Variants in FAM13A observed in about 807,000 individuals in gnomAD.
FAM13A encodes the protein protein FAM13A.
FAM13A carries 76 observed loss-of-function variants against 129.6 expected under a neutral mutation model. The ratio of observed to expected loss-of-function variants is 0.59; its 90% CI spans 0.49 to 0.71. The LOEUF (loss-of-function observed/expected upper bound fraction) is 0.71, where lower values mean the gene tolerates loss of function less well. Ranked by LOEUF, FAM13A falls within the 30% of genes least tolerant of loss-of-function variation. FAM13A has a pLI of 0.00. For missense variants in FAM13A, 1,108 were observed against 1,249.3 expected, an observed-to-expected ratio of 0.89 and a Z score of 1.70; for synonymous variants, 443 against 449.9, an observed-to-expected ratio of 0.98 and a Z score of 0.20.
chr4:88,810,282 A>G (rs1306537316), intron 7 of FAM13A, among the ~76,000 whole-genome samples: 1 of 152,170 alleles, frequency 6.6e-6, no homozygotes, highest in Non-Finnish European at 1.5e-5. Flanking sequence ...TTTGAAATAT[A>G]CTGTTATCAG....
chr4:88,823,241 C>G, intron 7 of FAM13A: 3 of 1,318,092 alleles, frequency 2.3e-6, no homozygotes, highest in Non-Finnish European at 1.9e-6. Flanking sequence ...ACACTGCAGT[C>G]CACTTTGACC....
rs372520994 is a variant in FAM13A, at chr4:88,990,998, T to C, written c.580A>G (p.Thr194Ala). ...TGAAAGCAATTTGGCCCAAATACAG[T>C]GGCGAGATTGTGAACATTCATGCGA... ...QNRMNVHNLA[T>A]VFGPNCFHVP... is the part of the protein sequence containing the mutation. The change falls in exon 4 of 24, where the codon ACT (threonine) becomes GCT (alanine). Residue 194 changes from threonine (T) to alanine (A), a missense_variant. Physicochemically the swap from Thr to Ala is moderately conservative, Grantham distance 58. This residue lies in a region of FAM13A where 566 missense variants were observed against 595.7 expected (regional missense o/e 0.95). Coordinates refer to ENST00000264344, the MANE Select transcript of FAM13A (RefSeq NM_014883.4). 2.5e-6 allele frequency: 4 copies of C among 1,613,972 alleles called. No homozygotes were observed. In the African/African-American group the frequency reaches 5.3e-5, roughly 22 times the overall value.
intron 4 of FAM13A, among the ~76,000 whole-genome samples, chr4:88,939,683 C>T (rs1380516991): frequency 6.6e-6 from 1 of 152,198 alleles, no homozygotes; most frequent in East Asian, 1.9e-4. Context: ...GGATGTCGCT[C>T]CCATGATTGT....
intron 4 of FAM13A, among the ~76,000 whole-genome samples, chr4:88,967,370 C>T (rs1028117477): frequency 3.3e-5 from 5 of 152,214 alleles, no homozygotes; most frequent in African/African-American, 9.6e-5. Context: ...CATTTCCCTA[C>T]ACAATCTTAT....
intron 4 of FAM13A, among the ~76,000 whole-genome samples, chr4:88,972,001 T>C (rs887338859): frequency 6.6e-6 from 1 of 152,212 alleles, no homozygotes; most frequent in African/African-American, 2.4e-5. Flanking sequence ...GCTTGTATCA[T>C]TTGTGTCATT....
chr4:88,857,695 T>C (rs928410876), intron 6 of FAM13A, among the ~76,000 whole-genome samples: 4 of 150,728 alleles, frequency 2.7e-5, no homozygotes, highest in African/African-American at 7.3e-5. Context: ...AGGTTCACAG[T>C]GTGGCCCAAG....
chr4:88,887,973 T>C (rs1490380432), intron 6 of FAM13A, among the ~76,000 whole-genome samples: 2 of 152,254 alleles, frequency 1.3e-5, no homozygotes, highest in Non-Finnish European at 2.9e-5. Flanking sequence ...GCAATCTTTA[T>C]GCAAGATTTA....
At chr4:88,881,257 C>T (rs543883159) in intron 6 of FAM13A, among the ~76,000 whole-genome samples, 4 of 152,338 alleles carry the variant, frequency 2.6e-5, no homozygotes, top group Non-Finnish European at 4.4e-5. Context: ...TAAGTGGGGG[C>T]TCGTATCCAT....
rs138628893 is a variant in FAM13A, at chr4:88,793,355, G to A, written c.1050-2728C>T. Among the ~76,000 whole-genome samples the A allele has an allele frequency of 1.9e-3, 283 of 151,920 alleles. 4 individuals carry two copies. The highest frequency in any genetic ancestry group is 8.1e-3 in the East Asian group (42 of 5,182). ...CATTTCTCAGAGTACAAAAGTAAAC[G>A]AATAAATCAATAATAAAACCAAGTA... On this transcript the variant is annotated intron_variant, in intron 8 of 23. Transcript: ENST00000264344.
At chr4:88,886,703 T>G (rs1324886614) in intron 6 of FAM13A, among the ~76,000 whole-genome samples, 2 of 151,930 alleles carry the variant, frequency 1.3e-5, no homozygotes, top group Non-Finnish European at 2.9e-5. Context: ...GGTCAAGAGT[T>G]TGAGAACAGC....
intron 6 of FAM13A, among the ~76,000 whole-genome samples, chr4:88,853,995 G>T (rs1424589881): frequency 6.6e-6 from 1 of 152,154 alleles, no homozygotes; most frequent in Admixed American, 6.5e-5. Flanking sequence ...CAGATTGAAG[G>T]CTCCACTATC....
chr4:88,976,093 G>A (rs563245523), intron 4 of FAM13A, among the ~76,000 whole-genome samples: 2 of 152,306 alleles, frequency 1.3e-5, no homozygotes, highest in East Asian at 3.9e-4. Context: ...GAAGTCCTCT[G>A]AAACCATGTT....
intron 7 of FAM13A, among the ~76,000 whole-genome samples, chr4:88,821,416 G>C (rs1029555118): frequency 5.3e-5 from 8 of 152,068 alleles, no homozygotes; most frequent in Non-Finnish European, 1.0e-4. Context: ...TTCCTACTAG[G>C]TTCATTAATC....
chr4:88,747,561 G>C, intron 18 of FAM13A, 70 bp downstream of exon 18: 1 of 1,248,306 alleles, frequency 8.0e-7, no homozygotes, highest in Non-Finnish European at 1.2e-6. Flanking sequence ...GGATTCACGT[G>C]GCATGCCCTG....
In FAM13A at chr4:88,744,446, G is replaced by A. The variant is rs375154891; in HGVS notation, c.2466+2486C>T. Among the ~76,000 whole-genome samples, 22 of 152,322 alleles carry A rather than the reference G, an allele frequency of 1.4e-4. No homozygotes were observed. The East Asian group carries it at 1.9e-3, about 13-fold the overall frequency. ...TGTGTAACTCTGCAGAGTGCCCTCA[G>A]AGTGCCCTGAGAAAGCAAACAGCTT... On this transcript the variant is annotated intron_variant, in intron 19 of 23. Coordinates refer to ENST00000264344, the MANE Select transcript of FAM13A (RefSeq NM_014883.4).
intron 3 of FAM13A, among the ~76,000 whole-genome samples, chr4:88,991,456 A>AATG (rs1219738212): frequency 3.9e-5 from 6 of 152,088 alleles, no homozygotes; most frequent in African/African-American, 1.4e-4. Context: ...AAATAATAAT[A>AATG]ATAATAAAAA....
At chr4:89,024,781 GGGCTTGTGTTTGTCTACGTAGTAATTAAC>G (rs1158824545) in intron 2 of FAM13A, among the ~76,000 whole-genome samples, 1 of 152,074 alleles carries the variant, frequency 6.6e-6, no homozygotes, top group Non-Finnish European at 1.5e-5. Flanking sequence ...ATACAAGAAG[GGGCTTGTGTTTGTCTACGTAGTAATTAAC>G]TACATAGCCT....
At chr4:89,025,554 G>A (rs191891988) in intron 2 of FAM13A, among the ~76,000 whole-genome samples, 20 of 152,218 alleles carry the variant, frequency 1.3e-4, no homozygotes, top group African/African-American at 4.3e-4. Flanking sequence ...GTGAGCCACC[G>A]CGCCTGGCCG....
intron 5 of FAM13A, among the ~76,000 whole-genome samples, chr4:88,929,270 G>A (rs1312590442): frequency 6.6e-6 from 1 of 151,986 alleles, no homozygotes; most frequent in African/African-American, 2.4e-5. Context: ...TTAGACTGAA[G>A]GGGTTTCTTA....
Sources: gnomAD v4.1 joint callset for allele counts (sites outside exome capture counted in the v4.1 genomes callset) on GRCh38, gnomAD v4.1.1 for gene constraint, gnomAD v4.1.1 regional missense constraint, MANE v1.5 for transcripts, NCBI Gene and HGNC (gene_info 2026-07-23, HGNC 2026-07-21) for gene names.